The following ASPA variants were observed in gnomAD, a reference collection of about 807,000 sequenced individuals.
The protein encoded by ASPA is aspartoacylase, also known as ACY-2.
In ASPA, 25 loss-of-function variants were observed where a neutral mutation model predicts 29.6. That is an observed-to-expected ratio of 0.85 (90% confidence interval 0.62 to 1.18). ASPA has a LOEUF of 1.18. Among genes scored for constraint, ASPA ranks in the 50% most tolerant of loss-of-function variants. The probability of loss-of-function intolerance (pLI) is 0.00; values close to 1 mark genes in which losing one functional copy is unlikely to be tolerated. For missense variants in ASPA, 333 were observed against 385.7 expected (o/e 0.86, Z 1.14); for synonymous variants, 131 against 130.3 (o/e 1.01, Z -0.04).
At chr17:3,478,018 T>C (rs1373310500) in intron 1 of ASPA, among the ~76,000 whole-genome samples, 1 of 150,800 alleles carries the variant, frequency 6.6e-6, no homozygotes, top group Non-Finnish European at 1.5e-5. Context: ...CCGTCTCTAC[T>C]AAAAAAAATA....
chr17:3,477,688 A>G (rs1219780482), intron 1 of ASPA, among the ~76,000 whole-genome samples: 2 of 152,072 alleles, frequency 1.3e-5, no homozygotes, highest in African/African-American at 2.4e-5. Context: ...TCCTGGCCTC[A>G]GGTGATCTGC....
intron 4 of ASPA, among the ~76,000 whole-genome samples, chr17:3,491,974 C>G (rs998837289): frequency 6.9e-6 from 1 of 144,200 alleles, no homozygotes; most frequent in African/African-American, 2.6e-5. Flanking sequence ...AGTTCCTGGG[C>G]TCAAGCAATC....
chr17:3,493,855 C>T (rs1012899516), intron 4 of ASPA, among the ~76,000 whole-genome samples: 17 of 152,182 alleles, frequency 1.1e-4, no homozygotes, highest in African/African-American at 2.9e-4. Flanking sequence ...TACCTCTGGC[C>T]GTCGGCGTGT....
At chr17:3,481,947 A>G (rs376336704) in intron 2 of ASPA, 149 bp downstream of exon 2, 10 of 725,852 alleles carry the variant, frequency 1.4e-5, no homozygotes, top group African/African-American at 3.5e-5. Context: ...TTGGGGGGAA[A>G]GGGTGCTACC....
In ASPA at chr17:3,498,955, T is replaced by C. The variant is rs200126822; in HGVS notation, c.809T>C (p.Ile270Thr). The C allele has an allele frequency of 6.2e-6, 10 of 1,613,302 alleles. No individual in the cohort carries two copies. The highest frequency in any genetic ancestry group is 1.7e-4 in the Middle Eastern group (1 of 6,060). Reference sequence around the variant, plus strand: ...TTTTTAACTCTTGATGGGAAGACGATCCCACTGGGCGGAGACTGTACCGTG... The same window carrying C: ...TTTTTAACTCTTGATGGGAAGACGACCCCACTGGGCGGAGACTGTACCGTG... ...PMFLTLDGKT[I>T]PLGGDCTVYP... Residue 270 changes from isoleucine to threonine, a missense_variant, in exon 6 of 6, where the codon ATC (isoleucine) becomes ACC (threonine). Transcript: ENST00000263080.
At chr17:3,481,570 T>C (rs758978929) in intron 1 of ASPA, 33 bp from the exon 2 acceptor site, 7 of 1,578,674 alleles carry the variant, frequency 4.4e-6, no homozygotes, top group Non-Finnish European at 5.2e-6. Context: ...CAGGCACAGA[T>C]GTTGTTCATC....
chr17:3,489,381 C>A (rs1276736513), intron 4 of ASPA, 39 bp downstream of exon 4: 1 of 1,485,780 alleles, frequency 6.7e-7, no homozygotes, highest in Non-Finnish European at 9.4e-7. Flanking sequence ...AACTTAACCA[C>A]CAAACATTTA....
chr17:3,480,762 A>C (rs999545382), intron 1 of ASPA, among the ~76,000 whole-genome samples: 1 of 152,218 alleles, frequency 6.6e-6, no homozygotes, highest in African/African-American at 2.4e-5. Flanking sequence ...TCTTTGTTTC[A>C]AAGTTAAGCT....
chr17:3,481,296 G>A (rs74915855), intron 1 of ASPA, among the ~76,000 whole-genome samples: 5,610 of 152,190 alleles, frequency 0.037, 160 homozygotes, highest in East Asian at 0.11. Context: ...TTAAATTAAT[G>A]GATATGTTGC....
chr17:3,494,541 C>G (rs1053295028), intron 5 of ASPA, 82 bp downstream of exon 5: 6 of 1,132,116 alleles, frequency 5.3e-6, no homozygotes, highest in Non-Finnish European at 6.7e-6. Flanking sequence ...TACAGCACTT[C>G]GCGTACATTC....
Position 3,476,163 on chromosome 17 carries a change from A to G in ASPA, c.4A>G (p.Thr2Ala). MTSCHIAEEHIQ... is the reference protein window; with the variant it reads MASCHIAEEHIQ... ...CAGATAAAAACTACTTGGTGAAATG[A>G]CTTCTTGTCACATTGCTGAAGAACA... Residue 2 changes from threonine (T) to alanine (A), a missense_variant, in exon 1 of 6, where the codon ACT (threonine) becomes GCT (alanine). Coordinates refer to ENST00000263080, the MANE Select transcript of ASPA (RefSeq NM_000049.4). 3 of 1,613,306 alleles carry G rather than the reference A, an allele frequency of 1.9e-6. No homozygotes were observed. The South Asian group carries it at 3.3e-5, about 18-fold the overall frequency.
chr17:3,489,966 G>A (rs2073796574), intron 4 of ASPA, among the ~76,000 whole-genome samples: 1 of 152,190 alleles, frequency 6.6e-6, no homozygotes, highest in South Asian at 2.1e-4. Flanking sequence ...CCTGTTGGTG[G>A]AGAGTTAAAT....
chr17:3,489,435 T>G, intron 4 of ASPA, 93 bp downstream of exon 4: 1 of 1,095,504 alleles, frequency 9.1e-7, no homozygotes, highest in East Asian at 2.4e-5. Context: ...GCTAAAGATA[T>G]GAAGTGCTTT....
Position 3,499,615 on chromosome 17 carries a change from C to A in ASPA, c.*527C>A, listed in dbSNP as rs565879856. 6.6e-6 allele frequency: 1 copy of A among 152,446 alleles called. No homozygotes were observed. The highest frequency in any genetic ancestry group is 1.5e-5 in the Non-Finnish European group (1 of 68,312). The allele number at this position is 152,446 out of a possible 1,614,324, so 9.4% of individuals were successfully genotyped here. A position where few individuals can be genotyped will look rare whatever the true frequency, so the allele number is the denominator to read the frequency against. On this transcript the variant is annotated 3_prime_UTR_variant, in exon 6 of 6. Transcript: ENST00000263080. ...TATTTATTATATCTGCTATGGTGAT[C>A]TGTGATCAGTGGCCTTTGATGTTAC...
rs747218271 is a variant in ASPA at position 3,498,989 on chromosome 17, G to C, written c.843G>C (p.Val281=). Residue 281 remains valine (V), a synonymous_variant, in exon 6 of 6, where the codon GTG becomes GTC. Transcript: ENST00000263080. The part of the protein sequence containing the change: ...PLGGDCTVYP[V]FVNEAAYYEK... ...GCGGAGACTGTACCGTGTACCCCGT[G>C]TTTGTGAATGAGGCCGCATATTACG... The C allele has an allele frequency of 1.4e-5, 22 of 1,614,098 alleles. No homozygotes were observed. Among genetic ancestry groups the C allele is most frequent in the Admixed American group, 1.2e-4 (7 of 60,008 alleles).
chr17:3,494,560 G>A, intron 5 of ASPA, 101 bp downstream of exon 5: 1 of 965,878 alleles, frequency 1.0e-6, no homozygotes, highest in Non-Finnish European at 1.7e-6. Context: ...TCGCCCATTT[G>A]ATGCTCTCAT....
In ASPA at chr17:3,483,585, T is replaced by C. The variant is rs1459390009; in HGVS notation, c.519T>C (p.Tyr173=). ...KYATTRSIAK[Y]PVGIEVGPQP... is the part of the protein sequence containing the mutation. ...CGACCACTCGTTCCATAGCCAAGTA[T>C]CCTGTGGGTAAGTCATAGTTCCCAC... The change falls in exon 3 of 6, where the codon TAT becomes TAC. Residue 173 remains tyrosine (Y), a synonymous_variant. Transcript: ENST00000263080. 4 of 1,612,204 alleles carry C rather than the reference T, an allele frequency of 2.5e-6. No individual in the cohort carries two copies. The highest frequency in any genetic ancestry group is 3.4e-6 in the Non-Finnish European group (4 of 1,178,326).
intron 3 of ASPA, among the ~76,000 whole-genome samples, chr17:3,483,970 T>A (rs768948382): frequency 3.3e-5 from 5 of 152,132 alleles, no homozygotes; most frequent in African/African-American, 9.7e-5. Flanking sequence ...AAATTATTTT[T>A]AAAAAAACAT....
Position 3,498,905 on chromosome 17 carries a change from A to G in ASPA, c.759A>G (p.Lys253=). 6.3e-7 allele frequency: 1 copy of G among 1,590,442 alleles called. No homozygotes were observed. Among genetic ancestry groups the G allele is most frequent in the Non-Finnish European group, 8.6e-7 (1 of 1,168,426 alleles). Residue 253 remains lysine (K), a synonymous_variant, in exon 6 of 6, where the codon AAA becomes AAG. Transcript: ENST00000263080. ...TTTCCTGAGAGGATCAAGACTGGAA[A>G]CCACTGCATCCTGGGGATCCCATGT... ...IHPNLQDQDW[K]PLHPGDPMFL...
Sources: allele counts gnomAD v4.1 joint callset (sites outside exome capture counted in the v4.1 genomes callset), GRCh38; gene constraint gnomAD v4.1.1; transcripts MANE v1.5; gene names NCBI Gene and HGNC (gene_info 2026-07-23, HGNC 2026-07-21).